CACNA1I: variants seen among roughly 807,000 people sequenced by gnomAD.
CACNA1I encodes the protein calcium voltage-gated channel subunit alpha1 I, also known as voltage-dependent T-type calcium channel subunit alpha-1I.
CACNA1I carries 74 observed loss-of-function variants against 201.6 expected under a neutral mutation model. The ratio of observed to expected loss-of-function variants is 0.37; its 90% CI spans 0.30 to 0.45. The LOEUF is 0.45. CACNA1I is among the 20% of genes least tolerant of loss of function. CACNA1I has a pLI of 1.00. For synonymous variants in CACNA1I, 1,431 were observed against 1,345.2 expected (o/e 1.06, Z -1.40); for missense variants, 2,346 against 3,138.1 (o/e 0.75, Z 6.03).
chr22:39,648,421 T>G lies in CACNA1I; in HGVS notation c.1567+495T>G, dbSNP rs1041627240. On this transcript the variant is annotated intron_variant, in intron 9 of 36. Transcript: ENST00000402142. This position sits in a 1 kb window ranked among gnomAD's most constrained non-coding sequence, Gnocchi z 5.4. ...CCCTCTCCTGGCACTCTTGCCCCCT[T>G]GCCCCTGGGCCTCCCCTCTGCCCTG... is the stretch of plus-strand genomic sequence containing the variant. 2.6e-5 allele frequency among the ~76,000 whole-genome samples: 4 copies of G among 152,106 alleles called. No individual in the cohort carries two copies. Among genetic ancestry groups the G allele is most frequent in the African/African-American group, 9.7e-5 (4 of 41,446 alleles).
chr22:39,658,728 G>A (rs545567425), intron 11 of CACNA1I, among the ~76,000 whole-genome samples: 21 of 152,368 alleles, frequency 1.4e-4, no homozygotes, highest in East Asian at 1.3e-3. Flanking sequence ...GACTTCTTGT[G>A]GGGGTGGTGG....
rs756422465 is a variant in CACNA1I at position 39,640,885 on chromosome 22, G to A, written c.759G>A (p.Leu253=). Residue 253 remains leucine (L), a synonymous_variant, in exon 6 of 37, where the codon TTG becomes TTA. Coordinates refer to ENST00000402142, the MANE Select transcript of CACNA1I (RefSeq NM_021096.4). ...ENFTIQGDVA[L]PPYYQPEEDD... ...TGGACAGACAAGGGGATGTGGCCTT[G>A]CCCCCATACTACCAGCCGGAGGAGG... The A allele has an allele frequency of 3.7e-6, 6 of 1,612,968 alleles. No individual in the cohort carries two copies. The highest frequency in any genetic ancestry group is 5.1e-6 in the Non-Finnish European group (6 of 1,179,496).
intron 2 of CACNA1I, 134 bp downstream of exon 2, chr22:39,598,396 C>T (rs1932943304): frequency 1.6e-6 from 1 of 625,648 alleles, no homozygotes; most frequent in Non-Finnish European, 2.9e-6. Context: ...CGCTCCGTGC[C>T]CTTCCCCATC....
chr22:39,613,402 T>G (rs1410633976), intron 3 of CACNA1I, among the ~76,000 whole-genome samples: 1 of 151,836 alleles, frequency 6.6e-6, no homozygotes, highest in African/African-American at 2.4e-5. Context: ...TGCCTGGGGG[T>G]GGGGTCTGGA....
chr22:39,656,270 A>G, intron 10 of CACNA1I: 2 of 417,982 alleles, frequency 4.8e-6, no homozygotes, highest in Non-Finnish European at 9.5e-6. Context: ...AGTCGGAGTC[A>G]GGTCCTTGCG....
chr22:39,613,381 G>A (rs1933436047), intron 3 of CACNA1I, among the ~76,000 whole-genome samples: 1 of 152,212 alleles, frequency 6.6e-6, no homozygotes, highest in Admixed American at 6.5e-5. Context: ...CCAGGCAGAA[G>A]AGCTCATCTC....
At chr22:39,640,799 CCCTT>C (rs1934332766) in intron 5 of CACNA1I, 64 bp from the exon 6 acceptor site, 1 of 1,334,194 alleles carries the variant, frequency 7.5e-7, no homozygotes, top group Non-Finnish European at 1.0e-6. Flanking sequence ...CATGGCCTCT[CCCTT>C]CCTGATCCTC....
rs1332608977 is a variant in CACNA1I, at chr22:39,684,037, C to T, written c.5831-265C>T. ...AGAGGAAGAGAGCTAGGCTTGAGCC[C>T]GCGTCTGCTTGCCTCCAAAAGCTGT... On this transcript the variant is annotated intron_variant, in intron 35 of 36. Transcript: ENST00000402142. This position sits in a 1 kb window ranked among gnomAD's most constrained non-coding sequence, Gnocchi z 4.6. Among the ~76,000 whole-genome samples the T allele has an allele frequency of 2.0e-5, 3 of 152,112 alleles. No individual in the cohort carries two copies. Among genetic ancestry groups the T allele is most frequent in the Admixed American group, 6.5e-5 (1 of 15,282 alleles).
chr22:39,592,996 C>G (rs1932839954), intron 1 of CACNA1I, among the ~76,000 whole-genome samples: 1 of 152,240 alleles, frequency 6.6e-6, no homozygotes, highest in Non-Finnish European at 1.5e-5. Flanking sequence ...TCTAAGCCTC[C>G]TGGGCTCTTG....
At chr22:39,662,734 T>C in intron 17 of CACNA1I, 42 bp from the exon 18 acceptor site, 1 of 1,395,224 alleles carries the variant, frequency 7.2e-7, no homozygotes, top group Non-Finnish European at 9.9e-7. Flanking sequence ...CCGGCAACCC[T>C]GCGCATCGCT....
At chr22:39,575,229 A>G (rs79801402) in intron 1 of CACNA1I, among the ~76,000 whole-genome samples, 2,534 of 152,330 alleles carry the variant, frequency 0.017, 69 homozygotes, top group African/African-American at 0.059. Context: ...CACCTGAATC[A>G]CACAGACCCA....
At chr22:39,673,618 G>A (rs1312129180) in intron 28 of CACNA1I, among the ~76,000 whole-genome samples, 3 of 152,222 alleles carry the variant, frequency 2.0e-5, no homozygotes, top group Admixed American at 6.5e-5. Flanking sequence ...TTTATCGAGA[G>A]GGGAAGAGAA....
intron 1 of CACNA1I, among the ~76,000 whole-genome samples, chr22:39,582,445 G>C (rs1372955505): frequency 1.3e-5 from 2 of 152,132 alleles, no homozygotes; most frequent in East Asian, 3.9e-4. Context: ...ATAGAGGATA[G>C]AGTCCCACAG....
intron 3 of CACNA1I, among the ~76,000 whole-genome samples, chr22:39,617,821 G>T (rs1369700807): frequency 2.3e-4 from 23 of 99,140 alleles, no homozygotes; most frequent in Non-Finnish European, 3.9e-4. Context: ...CCCTCCTCCT[G>T]CTCCTTCCCT....
chr22:39,589,534 C>T (rs2145814949), intron 1 of CACNA1I, among the ~76,000 whole-genome samples: 1 of 152,354 alleles, frequency 6.6e-6, no homozygotes, highest in East Asian at 1.9e-4. Context: ...CATGCTACAC[C>T]GTCACACATC....
chr22:39,660,050 G>C (rs933397550), intron 14 of CACNA1I, among the ~76,000 whole-genome samples, 198 bp downstream of exon 14: 1 of 152,112 alleles, frequency 6.6e-6, no homozygotes, highest in Non-Finnish European at 1.5e-5. Context: ...TGCCATCCCT[G>C]CTCCCCCCCA....
chr22:39,686,225 C>A lies in CACNA1I; in HGVS notation c.6492C>A (p.Arg2164=). 2 of 1,244,008 alleles carry A rather than the reference C, an allele frequency of 1.6e-6. No homozygotes were observed. The highest frequency in any genetic ancestry group is 3.2e-5 in the South Asian group (1 of 31,586). 77.1% of individuals were successfully genotyped at this position (1,244,008 alleles called of 1,614,324 possible). The change falls in exon 37 of 37, where the codon CGC becomes CGA. Residue 2164 remains arginine (R), a synonymous_variant. Coordinates refer to ENST00000402142, the MANE Select transcript of CACNA1I (RefSeq NM_021096.4). The part of the protein sequence containing the change: ...SSTSSLAAPG[R]PHAAALAHGL... ...CCAGCAGCCTGGCCGCCCCCGGCCGCCCCCACGCCGCCGCCCTGGCCCACG... is the reference window on the plus strand; with the variant it reads ...CCAGCAGCCTGGCCGCCCCCGGCCGACCCCACGCCGCCGCCCTGGCCCACG...
intron 1 of CACNA1I, among the ~76,000 whole-genome samples, chr22:39,580,712 A>G (rs898536347): frequency 2.6e-5 from 4 of 152,140 alleles, no homozygotes; most frequent in African/African-American, 7.2e-5. Flanking sequence ...CTTGTGGGCC[A>G]CGGGTGGGTG....
rs576169728 is a variant in CACNA1I at position 39,648,498 on chromosome 22, C to T, written c.1567+572C>T. ...CGTCCAGGTGGGAGCAGTGAGCCGG[C>T]GCTGGGAAGGGCTTTGGGCCTGTCC... On this transcript the variant is annotated intron_variant, in intron 9 of 36. Coordinates refer to ENST00000402142, the MANE Select transcript of CACNA1I (RefSeq NM_021096.4). The surrounding 1 kb of genome is among the most constrained non-coding windows in gnomAD (Gnocchi z 5.4). Among the ~76,000 whole-genome samples, 22 of 152,148 alleles carry T rather than the reference C, an allele frequency of 1.4e-4. No individual in the cohort carries two copies. In the East Asian group the frequency reaches 1.8e-3, roughly 12 times the overall value.
Sources: allele counts gnomAD v4.1 joint callset (sites outside exome capture counted in the v4.1 genomes callset), GRCh38; gene constraint gnomAD v4.1.1; non-coding constraint Gnocchi (gnomAD v3.1); transcripts MANE v1.5; gene names NCBI Gene and HGNC (gene_info 2026-07-23, HGNC 2026-07-21).